Variants in ETNK1 observed in about 807,000 individuals in gnomAD.
The protein encoded by ETNK1 is putative protein product of Nbla10396.
A neutral mutation model predicts 45.1 loss-of-function variants in ETNK1; 8 were observed. The ratio of observed to expected loss-of-function variants is 0.18; its 90% CI spans 0.10 to 0.32. The LOEUF (loss-of-function observed/expected upper bound fraction) is 0.32. Ranked by LOEUF, ETNK1 falls within the 10% of genes least tolerant of loss-of-function variation. The pLI is 1.00. For synonymous variants in ETNK1, 152 were observed against 151.9 expected (o/e 1.00, Z -0.01); for missense variants, 302 against 430.6 (o/e 0.70, Z 2.64).
At chr12:22,665,866 AT>A (rs1475316868) in intron 4 of ETNK1, among the ~76,000 whole-genome samples, 1 of 152,160 alleles carries the variant, frequency 6.6e-6, no homozygotes, top group African/African-American at 2.4e-5. Context: ...TAATTAACAG[AT>A]AGATATGATG....
intron 1 of ETNK1, among the ~76,000 whole-genome samples, chr12:22,633,795 A>G (rs1031660124): frequency 6.6e-6 from 1 of 152,170 alleles, no homozygotes; most frequent in African/African-American, 2.4e-5. Context: ...TCATTTAAAA[A>G]ATTACTTTAT....
At chr12:22,669,276 C>CT (rs1394604196) in intron 4 of ETNK1, among the ~76,000 whole-genome samples, 8 of 151,914 alleles carry the variant, frequency 5.3e-5, no homozygotes, top group Non-Finnish European at 1.0e-4. Flanking sequence ...TTTAAAATAA[C>CT]TTTTTTCCTT....
At chr12:22,644,426 T>C in intron 2 of ETNK1, 1 of 1,113,920 alleles carries the variant, frequency 9.0e-7, no homozygotes, top group Non-Finnish European at 1.2e-6. Flanking sequence ...TTCTTTGTTC[T>C]TTACGTTGTT....
In ETNK1 at chr12:22,625,461, T is replaced by G; in HGVS notation, c.31T>G (p.Ser11Ala). Residue 11 changes from serine to alanine, a missense_variant, in exon 1 of 8, where the codon TCC (serine) becomes GCC (alanine). This residue lies in a region of ETNK1 where 205 missense variants were observed against 259.9 expected (regional missense o/e 0.79). Coordinates refer to ENST00000266517, the MANE Select transcript of ETNK1 (RefSeq NM_018638.5). The part of the protein sequence containing the change: MANYIHVPPG[S>A]PEVPKLNVTV... ...CAATTACATCCACGTCCCTCCCGGC[T>G]CCCCGGAGGTGCCCAAGCTGAACGT... 1.3e-6 allele frequency: 2 copies of G among 1,598,840 alleles called. No individual in the cohort carries two copies. The highest frequency in any genetic ancestry group is 1.7e-6 in the Non-Finnish European group (2 of 1,173,304).
chr12:22,667,177 AGTTT>A (rs1166590828), intron 4 of ETNK1, among the ~76,000 whole-genome samples: 1 of 152,128 alleles, frequency 6.6e-6, no homozygotes, highest in Non-Finnish European at 1.5e-5. Flanking sequence ...TATAGGTACT[AGTTT>A]GTTTGTTTTT....
chr12:22,663,048 C>A (rs940470171), intron 4 of ETNK1, among the ~76,000 whole-genome samples: 1 of 152,268 alleles, frequency 6.6e-6, no homozygotes, highest in Middle Eastern at 3.4e-3. Flanking sequence ...TGTTTTGAAT[C>A]ATCTTGAAAT....
At chr12:22,684,635 G>T in intron 7 of ETNK1, 79 bp downstream of exon 7, 1 of 995,722 alleles carries the variant, frequency 1.0e-6, no homozygotes, top group South Asian at 1.4e-5. Context: ...AGGGAATATT[G>T]TAGTTATTTG....
At chr12:22,628,190 G>A (rs996419358) in intron 1 of ETNK1, among the ~76,000 whole-genome samples, 1 of 152,040 alleles carries the variant, frequency 6.6e-6, no homozygotes, top group Admixed American at 6.6e-5. Context: ...GGTAGATGTA[G>A]ACGGTACTGT....
chr12:22,686,499 A>T lies in ETNK1; in HGVS notation c.*1545A>T, dbSNP rs1165880133. 1.3e-5 allele frequency: 2 copies of T among 152,386 alleles called. No individual in the cohort carries two copies. The highest frequency in any genetic ancestry group is 4.8e-5 in the African/African-American group (2 of 41,436). The allele number at this position is 152,386 out of a possible 1,614,324, so 9.4% of individuals were successfully genotyped here. ...TATTCTCAGACAAATGCTTTAAAAT[A>T]CTTGGATTATCTCAAGATTTTTGAA... On this transcript the variant is annotated 3_prime_UTR_variant, in exon 8 of 8. Coordinates refer to ENST00000266517, the MANE Select transcript of ETNK1 (RefSeq NM_018638.5).
chr12:22,684,455 T>A, intron 6 of ETNK1, 28 bp from the exon 7 acceptor site: 1 of 1,536,106 alleles, frequency 6.5e-7, no homozygotes, highest in East Asian at 2.2e-5. Context: ...ATTATCATAA[T>A]TTTTGATTTT....
At chr12:22,675,917 A>G (rs537869077) in intron 6 of ETNK1, among the ~76,000 whole-genome samples, 18 of 152,358 alleles carry the variant, frequency 1.2e-4, no homozygotes, top group Non-Finnish European at 1.9e-4. Flanking sequence ...TCCATAGGGC[A>G]TATAGTAAGT....
At chr12:22,662,922 T>C (rs1174608412) in intron 4 of ETNK1, among the ~76,000 whole-genome samples, 2 of 152,228 alleles carry the variant, frequency 1.3e-5, no homozygotes, top group Non-Finnish European at 2.9e-5. Flanking sequence ...AGGTACACTG[T>C]CAAGAGTGGT....
rs753005990 is a variant in ETNK1, at chr12:22,625,212, C to G, written c.-219C>G. ...CAGCTCCGACAACAGGAATTTTCTC[C>G]GAGAGCGGGCCGGGCTCAGTTCAGC... On this transcript the variant is annotated 5_prime_UTR_variant, in exon 1 of 8. Coordinates refer to ENST00000266517, the MANE Select transcript of ETNK1 (RefSeq NM_018638.5). 1 of 1,610,048 alleles carries G rather than the reference C, an allele frequency of 6.2e-7. No individual in the cohort carries two copies. Among genetic ancestry groups the G allele is most frequent in the South Asian group, 1.1e-5 (1 of 90,958 alleles).
At chr12:22,649,225 T>C (rs1427855419) in intron 2 of ETNK1, among the ~76,000 whole-genome samples, 1 of 152,104 alleles carries the variant, frequency 6.6e-6, no homozygotes, top group East Asian at 1.9e-4. Flanking sequence ...TTTAATGAAG[T>C]CCAGCTTATC....
At chr12:22,667,972 G>T (rs1954070825) in intron 4 of ETNK1, among the ~76,000 whole-genome samples, 1 of 152,132 alleles carries the variant, frequency 6.6e-6, no homozygotes, top group Non-Finnish European at 1.5e-5. Flanking sequence ...ACAAAATGTA[G>T]GTTTGGAAAA....
chr12:22,657,381 C>T (rs1953955652), intron 2 of ETNK1, among the ~76,000 whole-genome samples: 1 of 152,108 alleles, frequency 6.6e-6, no homozygotes, highest in African/African-American at 2.4e-5. Context: ...TGACAATTTA[C>T]AGTGGCATAA....
At chr12:22,684,300 G>A (rs1954239961) in intron 6 of ETNK1, among the ~76,000 whole-genome samples, 183 bp from the exon 7 acceptor site, 1 of 152,026 alleles carries the variant, frequency 6.6e-6, no homozygotes, top group African/African-American at 2.4e-5. Context: ...TGACGAAAGT[G>A]ATCTGTAGCC....
intron 3 of ETNK1, among the ~76,000 whole-genome samples, chr12:22,660,123 T>C (rs1259995782): frequency 6.6e-6 from 1 of 150,872 alleles, no homozygotes; most frequent in African/African-American, 2.4e-5. Context: ...GGAAGTTGTA[T>C]GTAGAGAAGA....
chr12:22,659,070 TC>T lies in ETNK1; in HGVS notation c.477del (p.Lys160AsnfsTer6), dbSNP rs2137554646. On this transcript the variant is annotated frameshift_variant, in exon 3 of 8. Transcript: ENST00000266517. LOFTEE classifies it high-confidence loss of function. ...GCTATTCATGCACACAATGGCTGGA[TC>T]CCCAAATCTAATCTTTGGCTAAAGA... ...IHAIHAHNGW[I>X]PKSNLWLKMG... is the part of the protein sequence containing the mutation. 6.2e-7 allele frequency: 1 copy of T among 1,614,044 alleles called. No homozygotes were observed. The highest frequency in any genetic ancestry group is 8.5e-7 in the Non-Finnish European group (1 of 1,179,940).
Sources: gnomAD v4.1 joint callset for allele counts (sites outside exome capture counted in the v4.1 genomes callset) on GRCh38, gnomAD v4.1.1 for gene constraint, gnomAD v4.1.1 regional missense constraint, MANE v1.5 for transcripts, NCBI Gene and HGNC (gene_info 2026-07-23, HGNC 2026-07-21) for gene names.